HSPA4: variants seen among roughly 807,000 people sequenced by gnomAD.
The protein encoded by HSPA4 is heat shock 70 kDa protein 4.
A neutral mutation model predicts 106.2 loss-of-function variants in HSPA4; 25 were observed. The observed-to-expected ratio is 0.24, with a 90% CI of 0.17 to 0.33. The LOEUF is 0.33. Among genes scored for constraint, HSPA4 ranks in the 10% least tolerant of loss-of-function variants. The pLI is 1.00. For synonymous variants in HSPA4, 332 were observed against 333.6 expected (o/e 1.00, Z 0.05); for missense variants, 841 against 996.0 (o/e 0.84, Z 2.10).
At chr5:133,056,802 G>T (rs1765171136) in intron 1 of HSPA4, among the ~76,000 whole-genome samples, 4 of 152,050 alleles carry the variant, frequency 2.6e-5, no homozygotes, top group Admixed American at 2.6e-4. Context: ...AAATATAACA[G>T]ATTAATTTGC....
chr5:133,096,094 T>C lies in HSPA4; in HGVS notation c.1651-4T>C, dbSNP rs1170635222. On this transcript the variant is annotated splice_region_variant and splice_polypyrimidine_tract_variant and intron_variant, in intron 13 of 18. Transcript: ENST00000304858. Reference sequence around the variant, plus strand: ...TTTGTTCTTAATGATTTCTATTGTTTTAGACCTCTCAAGCTGGATCCAAGG... The same window carrying C: ...TTTGTTCTTAATGATTTCTATTGTTCTAGACCTCTCAAGCTGGATCCAAGG... 1.2e-6 allele frequency: 2 copies of C among 1,613,034 alleles called. No homozygotes were observed. The highest frequency in any genetic ancestry group is 1.7e-6 in the Non-Finnish European group (2 of 1,179,404).
At chr5:133,065,066 C>T (rs767914805) in intron 2 of HSPA4, 29 bp downstream of exon 2, 9 of 1,569,054 alleles carry the variant, frequency 5.7e-6, no homozygotes, top group Non-Finnish European at 7.0e-6. Flanking sequence ...CCTAAAATGA[C>T]TTATTTCTCC....
At chr5:133,053,549 T>C (rs959339379) in intron 1 of HSPA4, among the ~76,000 whole-genome samples, 8 of 152,072 alleles carry the variant, frequency 5.3e-5, no homozygotes, top group African/African-American at 1.9e-4. Flanking sequence ...CGGGTTTCAC[T>C]ATGTCACTCA....
chr5:133,054,916 C>T (rs1295542827), intron 1 of HSPA4, among the ~76,000 whole-genome samples: 1 of 152,182 alleles, frequency 6.6e-6, no homozygotes, highest in African/African-American at 2.4e-5. Flanking sequence ...TTCCAAAGGG[C>T]GCACAGGAAG....
In HSPA4 at chr5:133,073,245, A is replaced by G; in HGVS notation, c.445A>G (p.Thr149Ala). ...TTTTTTGTAGGTTCCTTGTTTCTAT[A>G]CTGATGCAGAAAGACGATCAGTGAT... The part of the protein sequence containing the change: ...DCVVSVPCFY[T>A]DAERRSVMDA... The change falls in exon 5 of 19, where the codon ACT (threonine) becomes GCT (alanine). Residue 149 changes from threonine to alanine, a missense_variant. Transcript: ENST00000304858. 2 of 1,600,324 alleles carry G rather than the reference A, an allele frequency of 1.2e-6. No homozygotes were observed. Among genetic ancestry groups the G allele is most frequent in the South Asian group, 1.1e-5 (1 of 88,878 alleles).
chr5:133,093,827 G>C lies in HSPA4; in HGVS notation c.1650+1038G>C, dbSNP rs1035311469. The stretch of plus-strand genomic sequence containing the variant: ...AAAAGGCATGGGGCCTGGTTCAGTG[G>C]TTCATGCTTGTAATCCCAGCACTTT... On this transcript the variant is annotated intron_variant, in intron 13 of 18. Transcript: ENST00000304858. 2.0e-5 allele frequency among the ~76,000 whole-genome samples: 3 copies of C among 151,966 alleles called. No homozygotes were observed. In the East Asian group the frequency reaches 5.8e-4, roughly 30 times the overall value.
chr5:133,052,520 G>A lies in HSPA4; in HGVS notation c.107+163G>A, dbSNP rs144717406. 3.3e-5 allele frequency among the ~76,000 whole-genome samples: 5 copies of A among 152,352 alleles called. No individual in the cohort carries two copies. In the East Asian group the frequency reaches 9.7e-4, roughly 29 times the overall value. On this transcript the variant is annotated intron_variant, in intron 1 of 18. Transcript: ENST00000304858. Reference sequence around the variant, plus strand: ...CCCCAGTAGGTATTAGGACACTAGGGGCCGCGGCCCACTATGAGCGTGGGT... The same window carrying A: ...CCCCAGTAGGTATTAGGACACTAGGAGCCGCGGCCCACTATGAGCGTGGGT...
At position 133,097,232 on chromosome 5, in the gene HSPA4, G is replaced by T. The variant is rs745693759; in HGVS notation, c.1875G>T (p.Val625=). 1.2e-6 allele frequency: 2 copies of T among 1,612,878 alleles called. No homozygotes were observed. Among genetic ancestry groups the T allele is most frequent in the South Asian group, 1.1e-5 (1 of 91,028 alleles). The change falls in exon 15 of 19, where the codon GTG becomes GTT. Residue 625 remains valine, a synonymous_variant. Transcript: ENST00000304858. ...CTAAGAACGCAGTGGAGGAATATGT[G>T]TATGAAATGAGAGACAAGCTTAGTG... is the stretch of plus-strand genomic sequence containing the variant. ...NDAKNAVEEY[V]YEMRDKLSGE...
intron 4 of HSPA4, among the ~76,000 whole-genome samples, chr5:133,071,447 CAAA>C (rs780362710): frequency 2.0e-5 from 3 of 147,434 alleles, no homozygotes; most frequent in Non-Finnish European, 4.6e-5. Flanking sequence ...GACCCTGTCT[CAAA>C]AAACTTATCC....
At chr5:133,098,478 A>AT (rs111694220) in intron 15 of HSPA4, among the ~76,000 whole-genome samples, 64 of 142,844 alleles carry the variant, frequency 4.5e-4, no homozygotes, top group South Asian at 2.2e-3. Context: ...CGCCTGGCTA[A>AT]TTTTTTTTTT....
At chr5:133,092,915 G>T in intron 13 of HSPA4, 126 bp downstream of exon 13, 1 of 587,932 alleles carries the variant, frequency 1.7e-6, no homozygotes, top group Non-Finnish European at 2.9e-6. Flanking sequence ...CCACCTCCTG[G>T]GTTCAAGTGA....
At chr5:133,060,410 C>T (rs533650335) in intron 1 of HSPA4, among the ~76,000 whole-genome samples, 4 of 151,980 alleles carry the variant, frequency 2.6e-5, no homozygotes, top group East Asian at 3.9e-4. Flanking sequence ...TCGCCCAGGC[C>T]GGAATGCAGT....
chr5:133,096,790 T>C (rs1765716953), intron 14 of HSPA4, among the ~76,000 whole-genome samples: 1 of 152,232 alleles, frequency 6.6e-6, no homozygotes. Context: ...TTTTGTCTTA[T>C]GGAAACTTCA....
At chr5:133,058,047 G>A (rs1449436273) in intron 1 of HSPA4, among the ~76,000 whole-genome samples, 1 of 152,202 alleles carries the variant, frequency 6.6e-6, no homozygotes, top group Non-Finnish European at 1.5e-5. Flanking sequence ...AATAGGATTA[G>A]ATAATACATG....
rs1323683761 is a variant in HSPA4, at chr5:133,067,502, A to G, written c.251A>G (p.Lys84Arg). The change falls in exon 3 of 19, where the codon AAA becomes AGA. Residue 84 changes from lysine (K) to arginine (R), a missense_variant. Around this residue, in one of 5 missense-constraint regions of HSPA4, gnomAD observed 347 missense variants for 408.7 expected, o/e 0.85. Coordinates refer to ENST00000304858, the MANE Select transcript of HSPA4 (RefSeq NM_002154.4). ...AFSDPFVEAEKSNLAYDIVQL... is the reference protein window; with the variant it reads ...AFSDPFVEAERSNLAYDIVQL... ...TCTGATCCATTTGTGGAGGCAGAAA[A>G]ATCTAACCTTGCATATGATATTGTG... 2 of 1,614,076 alleles carry G rather than the reference A, an allele frequency of 1.2e-6. No homozygotes were observed. Among genetic ancestry groups the G allele is most frequent in the South Asian group, 2.2e-5 (2 of 91,082 alleles).
intron 4 of HSPA4, among the ~76,000 whole-genome samples, chr5:133,072,854 T>C (rs926108990): frequency 6.6e-6 from 1 of 152,194 alleles, no homozygotes; most frequent in Admixed American, 6.5e-5. Flanking sequence ...CTCTTAATCA[T>C]TTAGGGAAAT....
At chr5:133,061,527 A>C (rs1208444537) in intron 1 of HSPA4, among the ~76,000 whole-genome samples, 1 of 152,180 alleles carries the variant, frequency 6.6e-6, no homozygotes, top group Non-Finnish European at 1.5e-5. Context: ...TAGCAAGGGA[A>C]ATAAATGTGT....
intron 7 of HSPA4, among the ~76,000 whole-genome samples, chr5:133,080,501 G>T (rs2126706253): frequency 6.7e-6 from 1 of 149,582 alleles, no homozygotes; most frequent in South Asian, 2.1e-4. Flanking sequence ...TTTTTTTCCA[G>T]GTACGCAGTG....
intron 3 of HSPA4, among the ~76,000 whole-genome samples, chr5:133,069,497 C>T (rs958425141): frequency 1.3e-4 from 20 of 152,030 alleles, no homozygotes; most frequent in Non-Finnish European, 2.5e-4. Context: ...GTGATTTGCC[C>T]GCCTCAGCCT....
Sources: gnomAD v4.1 joint callset for allele counts (sites outside exome capture counted in the v4.1 genomes callset) on GRCh38, gnomAD v4.1.1 for gene constraint, gnomAD v4.1.1 regional missense constraint, MANE v1.5 for transcripts, NCBI Gene and HGNC (gene_info 2026-07-23, HGNC 2026-07-21) for gene names.